The following LRRC15 variants were observed in gnomAD, a reference collection of about 807,000 sequenced individuals.
LRRC15 encodes leucine rich repeat containing 15, also known as leucine-rich repeat-containing protein 15.
A neutral mutation model predicts 4.3 loss-of-function variants in LRRC15; 5 were observed. That is an observed-to-expected ratio of 1.16 (90% CI 0.61 to 2.44). LRRC15 has a LOEUF of 2.44. Ranked by LOEUF, LRRC15 falls within the 30% of genes most tolerant of loss-of-function variation. LRRC15 has a pLI of 0.01. For synonymous variants in LRRC15, 337 were observed against 323.2 expected (o/e 1.04, Z -0.46); for missense variants, 769 against 747.0 (o/e 1.03, Z -0.34).
intron 1 of LRRC15, chr3:194,363,453 C>T: frequency 3.1e-6 from 2 of 647,420 alleles, no homozygotes; most frequent in Non-Finnish European, 2.8e-6. Flanking sequence ...ATGTCAGGTC[C>T]AGAACCCAGC....
chr3:194,362,126 C>CTGTGTGTG (rs151091397), intron 1 of LRRC15, among the ~76,000 whole-genome samples: 8,912 of 151,534 alleles, frequency 0.059, 697 homozygotes, highest in African/African-American at 0.18. Flanking sequence ...ACATATATAA[C>CTGTGTGTG]TGTGTGTGTG....
chr3:194,366,977 T>C (rs4974534), intron 1 of LRRC15, among the ~76,000 whole-genome samples: 111,457 of 152,100 alleles, frequency 0.73, 41,289 homozygotes, highest in East Asian at 0.94. Flanking sequence ...TGGCAGGGCC[T>C]GGGATTGGGG....
intron 1 of LRRC15, among the ~76,000 whole-genome samples, chr3:194,366,595 T>C (rs1388480733): frequency 6.6e-6 from 1 of 152,172 alleles, no homozygotes; most frequent in Non-Finnish European, 1.5e-5. Flanking sequence ...GGACCCGGGA[T>C]GGGGGAGGCC....
Position 194,359,476 on chromosome 3 carries a change from A to C in LRRC15, c.1568T>G (p.Val523Gly). The change falls in exon 2 of 2, where the codon GTC becomes GGC. Residue 523 changes from valine (V) to glycine (G), a missense_variant. Transcript: ENST00000347624. ...GCCCCAAACGCTGCGGTCATCAGTG[A>C]CCTGAATGGTAGTCAGATCAGTGTA... is the stretch of plus-strand genomic sequence containing the variant. The part of the protein sequence containing the change: ...EDYTDLTTIQ[V>G]TDDRSVWGMT... 1 of 1,614,238 alleles carries C rather than the reference A, an allele frequency of 6.2e-7. No homozygotes were observed.
chr3:194,368,463 C>T (rs1713842839), intron 1 of LRRC15, among the ~76,000 whole-genome samples: 1 of 152,148 alleles, frequency 6.6e-6, no homozygotes, highest in Non-Finnish European at 1.5e-5. Flanking sequence ...TGAGCCCGCC[C>T]AGCTGACTCA....
intron 1 of LRRC15, among the ~76,000 whole-genome samples, chr3:194,362,814 G>A (rs1250436999): frequency 5.9e-5 from 9 of 152,052 alleles, no homozygotes; most frequent in African/African-American, 1.4e-4. Flanking sequence ...CCTGGCCCAC[G>A]TCTCAGAGTA....
At chr3:194,364,256 G>T (rs1344628824) in intron 1 of LRRC15, among the ~76,000 whole-genome samples, 2 of 152,180 alleles carry the variant, frequency 1.3e-5, no homozygotes, top group Non-Finnish European at 2.9e-5. Flanking sequence ...AACGGTGCCT[G>T]TACTCTTAGG....
intron 1 of LRRC15, among the ~76,000 whole-genome samples, chr3:194,369,195 G>A (rs1478439107): frequency 6.6e-6 from 1 of 152,254 alleles, no homozygotes; most frequent in East Asian, 1.9e-4. Context: ...ACCAAATGCG[G>A]GGCAGACCAC....
intron 1 of LRRC15, among the ~76,000 whole-genome samples, chr3:194,362,539 A>G (rs553139338): frequency 1.4e-4 from 21 of 152,296 alleles, no homozygotes; most frequent in African/African-American, 4.8e-4. Flanking sequence ...AAACTCCTGG[A>G]AGATGCAGCA....
intron 1 of LRRC15, among the ~76,000 whole-genome samples, chr3:194,363,627 GA>G (rs1713698432): frequency 7.0e-6 from 1 of 142,622 alleles, no homozygotes; most frequent in East Asian, 1.9e-4. Context: ...ATCACATGTG[GA>G]AAAAAGGAGG....
chr3:194,367,957 A>T (rs1713828252), intron 1 of LRRC15, among the ~76,000 whole-genome samples: 2 of 152,220 alleles, frequency 1.3e-5, no homozygotes, highest in African/African-American at 4.8e-5. Flanking sequence ...TAGCCTGGCA[A>T]GGGTGGCAGG....
chr3:194,362,489 G>A (rs975293019), intron 1 of LRRC15, among the ~76,000 whole-genome samples: 1 of 152,190 alleles, frequency 6.6e-6, no homozygotes, highest in Non-Finnish European at 1.5e-5. Flanking sequence ...CTGTGTATAT[G>A]TGAGAGTATC....
intron 1 of LRRC15, among the ~76,000 whole-genome samples, chr3:194,366,986 G>A (rs1203075464): frequency 6.6e-6 from 1 of 152,210 alleles, no homozygotes; most frequent in Non-Finnish European, 1.5e-5. Flanking sequence ...CTGGGATTGG[G>A]GAGGAGGTGG....
In LRRC15 at chr3:194,360,118, G is replaced by A. The variant is rs1403742433; in HGVS notation, c.926C>T (p.Pro309Leu). 8.7e-6 allele frequency: 14 copies of A among 1,614,240 alleles called. No individual in the cohort carries two copies. The highest frequency in any genetic ancestry group is 1.1e-5 in the Non-Finnish European group (13 of 1,180,050). The stretch of plus-strand genomic sequence containing the variant: ...GCGGAGGTTGCTGAAGACATTGTCG[G>A]GTAGAGAAGAGATGTGGTTGTCATA... Reference protein sequence around the residue: ...WLYDNHISSLPDNVFSNLRQL... With the variant: ...WLYDNHISSLLDNVFSNLRQL... The change falls in exon 2 of 2, where the codon CCC becomes CTC. Residue 309 changes from proline (P) to leucine (L), a missense_variant. Pro to Leu is a moderately conservative substitution (Grantham distance 98). Coordinates refer to ENST00000347624, the MANE Select transcript of LRRC15 (RefSeq NM_130830.5).
Position 194,360,397 on chromosome 3 carries a change from G to T in LRRC15, c.647C>A (p.Thr216Asn). The change falls in exon 2 of 2, where the codon ACT becomes AAT. Residue 216 changes from threonine to asparagine, a missense_variant. Thr to Asn is a moderately conservative substitution (Grantham distance 65, BLOSUM62 0). Coordinates refer to ENST00000347624, the MANE Select transcript of LRRC15 (RefSeq NM_130830.5). Reference sequence around the variant, plus strand: ...CTGCAGGTTAACAAGCCCATCAAAAGTGCCCATGGGGATATCCGTGAGCCT... The same window carrying T: ...CTGCAGGTTAACAAGCCCATCAAAATTGCCCATGGGGATATCCGTGAGCCT... ...ENRLTDIPMG[T>N]FDGLVNLQEL... is the part of the protein sequence containing the mutation. The T allele has an allele frequency of 6.2e-7, 1 of 1,614,190 alleles. No homozygotes were observed. Among genetic ancestry groups the T allele is most frequent in the Non-Finnish European group, 8.5e-7 (1 of 1,180,038 alleles).
chr3:194,359,650 A>G lies in LRRC15; in HGVS notation c.1394T>C (p.Ile465Thr), dbSNP rs756149677. The G allele has an allele frequency of 5.0e-6, 8 of 1,614,136 alleles. No individual in the cohort carries two copies. In the South Asian group the frequency reaches 8.8e-5, roughly 18 times the overall value. Reference protein sequence around the residue: ...SPANVRGQSLIIINVNVAVPS... With the variant: ...SPANVRGQSLTIINVNVAVPS... Reference sequence around the variant, plus strand: ...AACAGCAACGTTGACATTGATGATAATGAGGGACTGGCCTCGGACATTGGC... The same window carrying G: ...AACAGCAACGTTGACATTGATGATAGTGAGGGACTGGCCTCGGACATTGGC... The change falls in exon 2 of 2, where the codon ATT becomes ACT. Residue 465 changes from isoleucine to threonine, a missense_variant. By Grantham distance (89) the Ile-to-Thr change is moderately conservative (BLOSUM62 -1). Coordinates refer to ENST00000347624, the MANE Select transcript of LRRC15 (RefSeq NM_130830.5).
At chr3:194,365,113 C>T (rs1713738754) in intron 1 of LRRC15, among the ~76,000 whole-genome samples, 2 of 152,218 alleles carry the variant, frequency 1.3e-5, no homozygotes, top group South Asian at 2.1e-4. Context: ...CCCAGGCAGC[C>T]GAGAGCGTCG....
rs745556254 is a variant in LRRC15, at chr3:194,360,414, C to T, written c.630G>A (p.Thr210=). Residue 210 remains threonine, a synonymous_variant, in exon 2 of 2, where the codon ACG becomes ACA. Coordinates refer to ENST00000347624, the MANE Select transcript of LRRC15 (RefSeq NM_130830.5). ...QVLRLYENRL[T]DIPMGTFDGL... is the part of the protein sequence containing the mutation. ...CATCAAAAGTGCCCATGGGGATATC[C>T]GTGAGCCTGTTCTCATACAGCCGGA... 2.4e-5 allele frequency: 39 copies of T among 1,614,026 alleles called. No homozygotes were observed. The highest frequency in any genetic ancestry group is 3.3e-5 in the South Asian group (3 of 91,074).
intron 1 of LRRC15, among the ~76,000 whole-genome samples, chr3:194,366,788 C>T (rs1713792918): frequency 6.6e-6 from 1 of 152,010 alleles, no homozygotes; most frequent in African/African-American, 2.4e-5. Flanking sequence ...TGCACCTAGT[C>T]AAACCGTCTG....
Sources: allele counts gnomAD v4.1 joint callset (sites outside exome capture counted in the v4.1 genomes callset), GRCh38; gene constraint gnomAD v4.1.1; transcripts MANE v1.5; gene names NCBI Gene and HGNC (gene_info 2026-07-23, HGNC 2026-07-21).